Variants in LRP1 observed in about 807,000 individuals in gnomAD.
LRP1 encodes the protein LDL receptor related protein 1.
Under a neutral mutation model 541.5 loss-of-function variants are expected in LRP1, and 51 were observed. That is an observed-to-expected ratio of 0.09 (90% CI 0.08 to 0.12). LRP1 has a LOEUF of 0.12. LRP1 is among the 10% of genes least tolerant of loss of function. The pLI, the probability that LRP1 is intolerant of heterozygous loss-of-function variation, is 1.00. For missense variants in LRP1, 3,878 were observed against 6,376.2 expected (o/e 0.61, Z 13.34); for synonymous variants, 2,219 against 2,470.8 (o/e 0.90, Z 3.02).
chr12:57,179,588 A>G lies in LRP1; in HGVS notation c.4966+32A>G. On this transcript the variant is annotated intron_variant, in intron 29 of 88. Coordinates refer to ENST00000243077, the MANE Select transcript of LRP1 (RefSeq NM_002332.3). The surrounding 1 kb of genome is among the most constrained non-coding windows in gnomAD (Gnocchi z 6.8). Reference sequence around the variant, plus strand: ...CCTGGCCCTGGATGCCCACCAGTGGACATGGGCACCTCCACCCGCCCCTTG... The same window carrying G: ...CCTGGCCCTGGATGCCCACCAGTGGGCATGGGCACCTCCACCCGCCCCTTG... 9 of 1,577,424 alleles carry G rather than the reference A, an allele frequency of 5.7e-6. No individual in the cohort carries two copies. The highest frequency in any genetic ancestry group is 7.8e-6 in the Non-Finnish European group (9 of 1,148,302).
Position 57,162,116 on chromosome 12 carries a change from G to A in LRP1, c.2203-201G>A, listed in dbSNP as rs2136682667. ...AACCTCACCATCAGCATCCTTGCTGGATCACTCGATCACCCGCTGGCTTCA... is the reference window on the plus strand; with the variant it reads ...AACCTCACCATCAGCATCCTTGCTGAATCACTCGATCACCCGCTGGCTTCA... On this transcript the variant is annotated intron_variant, in intron 13 of 88. Coordinates refer to ENST00000243077, the MANE Select transcript of LRP1 (RefSeq NM_002332.3). This position sits in a 1 kb window ranked among gnomAD's most constrained non-coding sequence, Gnocchi z 5.2. 6.6e-6 allele frequency among the ~76,000 whole-genome samples: 1 copy of A among 152,158 alleles called. No homozygotes were observed. The highest frequency in any genetic ancestry group is 1.9e-4 in the East Asian group (1 of 5,174).
At chr12:57,170,957 T>C (rs2035933680) in intron 20 of LRP1, among the ~76,000 whole-genome samples, 1 of 152,126 alleles carries the variant, frequency 6.6e-6, no homozygotes, top group Non-Finnish European at 1.5e-5. Context: ...CTGGACAGCG[T>C]TGAGTGCCCA....
At chr12:57,145,168 G>A in intron 5 of LRP1, 59 bp from the exon 6 acceptor site, 2 of 1,613,220 alleles carry the variant, frequency 1.2e-6, no homozygotes, top group South Asian at 2.2e-5. Flanking sequence ...GGTGGGTGGT[G>A]GCCTGAGAGG....
intron 1 of LRP1, among the ~76,000 whole-genome samples, chr12:57,134,332 C>G (rs2035107191): frequency 6.6e-6 from 1 of 152,226 alleles, no homozygotes; most frequent in Admixed American, 6.5e-5. Flanking sequence ...TCTGTCTCCC[C>G]TATGCCCTTC....
chr12:57,171,258 A>G (rs1378388411), intron 20 of LRP1, among the ~76,000 whole-genome samples: 1 of 152,158 alleles, frequency 6.6e-6, no homozygotes, highest in Non-Finnish European at 1.5e-5. Context: ...GCAGGGTGTC[A>G]CTATTGGTAG....
Position 57,154,061 on chromosome 12 carries a change from A to T in LRP1, c.842-147A>T. The T allele has an allele frequency of 1.4e-6, 1 of 701,292 alleles. No individual in the cohort carries two copies. Among genetic ancestry groups the T allele is most frequent in the Non-Finnish European group, 2.5e-6 (1 of 406,252 alleles). The allele number at this position is 701,292 out of a possible 1,614,324, so 43.4% of individuals were successfully genotyped here. On this transcript the variant is annotated intron_variant, in intron 6 of 88. Coordinates refer to ENST00000243077, the MANE Select transcript of LRP1 (RefSeq NM_002332.3). This position sits in a 1 kb window ranked among gnomAD's most constrained non-coding sequence, Gnocchi z 4.6. ...AGCATTTACGCAAGCCCTCCTGTATATCCACTCTGAGCTAAGCATGGGGGT... is the reference window on the plus strand; with the variant it reads ...AGCATTTACGCAAGCCCTCCTGTATTTCCACTCTGAGCTAAGCATGGGGGT...
At position 57,201,918 on chromosome 12, in the gene LRP1, C is replaced by T. The variant is rs766616565; in HGVS notation, c.10594+13C>T. On this transcript the variant is annotated intron_variant, in intron 67 of 88. Coordinates refer to ENST00000243077, the MANE Select transcript of LRP1 (RefSeq NM_002332.3). The surrounding 1 kb of genome is among the most constrained non-coding windows in gnomAD (Gnocchi z 6.4). ...AAGGAAGAGTGTGGTGAGCCGAGACCCCACTCCAGGAGGAAGACAGTCTAC... is the reference window on the plus strand; with the variant it reads ...AAGGAAGAGTGTGGTGAGCCGAGACTCCACTCCAGGAGGAAGACAGTCTAC... The T allele has an allele frequency of 2.5e-6, 4 of 1,613,674 alleles. No individual in the cohort carries two copies. The highest frequency in any genetic ancestry group is 3.4e-6 in the Non-Finnish European group (4 of 1,179,884).
chr12:57,144,852 C>A, intron 4 of LRP1, 120 bp from the exon 5 acceptor site: 1 of 992,840 alleles, frequency 1.0e-6, no homozygotes, highest in South Asian at 1.4e-5. Flanking sequence ...GTAATAGATT[C>A]TGCCGAACTG....
Position 57,167,123 on chromosome 12 carries a change from G to T in LRP1, c.2914+77G>T, listed in dbSNP as rs935660998. ...TGAGAGCATGCCAGTTGGGGGTGCC[G>T]GAGACACCTGCAACCCAGCACTTGG... On this transcript the variant is annotated intron_variant, in intron 18 of 88. Transcript: ENST00000243077. 1.6e-5 allele frequency: 19 copies of T among 1,209,910 alleles called. No individual in the cohort carries two copies. In the Admixed American group the frequency reaches 1.6e-4, roughly 10 times the overall value. 74.9% of individuals were successfully genotyped at this position (1,209,910 alleles called of 1,614,324 possible). A position where few individuals can be genotyped will look rare whatever the true frequency, so the allele number is the denominator to read the frequency against.
chr12:57,209,992 C>A (rs1235379443), intron 80 of LRP1, 37 bp from the exon 81 acceptor site: 2 of 1,587,936 alleles, frequency 1.3e-6, no homozygotes, highest in Admixed American at 3.4e-5. Context: ...GAGAAGGGTC[C>A]TGCTCAGCAT....
chr12:57,202,521 C>T lies in LRP1; in HGVS notation c.10695C>T (p.Ser3565=), dbSNP rs999908047. 2.4e-5 allele frequency: 39 copies of T among 1,610,922 alleles called. No homozygotes were observed. Among genetic ancestry groups the T allele is most frequent in the Non-Finnish European group, 3.1e-5 (36 of 1,178,870 alleles). The change falls in exon 68 of 89, where the codon TCC becomes TCT. Residue 3565 remains serine, a synonymous_variant. Transcript: ENST00000243077. ...ACGACAACGATTGCGGTGACAACTC[C>T]GATGAAGAGAGCTGCAGTACGTCCC... ...CDYDNDCGDN[S]DEESCTPRPC... is the part of the protein sequence containing the mutation.
In LRP1 at chr12:57,156,952, T is replaced by C; in HGVS notation, c.1561+32T>C. 1 of 1,535,974 alleles carries C rather than the reference T, an allele frequency of 6.5e-7. No individual in the cohort carries two copies. Among genetic ancestry groups the C allele is most frequent in the Non-Finnish European group, 8.8e-7 (1 of 1,136,370 alleles). On this transcript the variant is annotated intron_variant, in intron 10 of 88. Transcript: ENST00000243077. The surrounding 1 kb of genome is among the most constrained non-coding windows in gnomAD (Gnocchi z 5.2). ...GACAGGGAAGGGGGTGTGTGCCCAT[T>C]GGGAGGCTGCGGGAGGGTTCCTCAG...
intron 42 of LRP1, 102 bp from the exon 43 acceptor site, chr12:57,190,703 C>T: frequency 9.1e-7 from 1 of 1,097,922 alleles, no homozygotes; most frequent in Non-Finnish European, 1.3e-6. Flanking sequence ...TGGCTTTGCC[C>T]TGGCAGGCTT....
intron 34 of LRP1, among the ~76,000 whole-genome samples, chr12:57,182,335 A>G (rs1488957927): frequency 6.6e-6 from 1 of 151,736 alleles, no homozygotes; most frequent in Non-Finnish European, 1.5e-5. Context: ...ACATGGCAAA[A>G]CTCCGTCTCT....
chr12:57,129,840 T>C (rs1000828874), intron 1 of LRP1, among the ~76,000 whole-genome samples: 8 of 152,162 alleles, frequency 5.3e-5, no homozygotes, highest in Non-Finnish European at 8.8e-5. Context: ...CTTCCTGACT[T>C]CTGGCTTCAT....
Position 57,212,408 on chromosome 12 carries a change from C to T in LRP1, c.13495-7C>T. 6.2e-7 allele frequency: 1 copy of T among 1,614,056 alleles called. No individual in the cohort carries two copies. Among genetic ancestry groups the T allele is most frequent in the Non-Finnish European group, 8.5e-7 (1 of 1,180,016 alleles). On this transcript the variant is annotated splice_polypyrimidine_tract_variant and splice_region_variant and intron_variant, in intron 88 of 88. Transcript: ENST00000243077. This position sits in a 1 kb window ranked among gnomAD's most constrained non-coding sequence, Gnocchi z 5.0. ...GAGCCCTACCTGAACCCTCTGTCAC[C>T]CTGCAGCCCACCAACTTCACCAACC...
At position 57,185,004 on chromosome 12, in the gene LRP1, TC is replaced by T. The variant is rs1394495466; in HGVS notation, c.6338+16del. 4 of 1,613,950 alleles carry T rather than the reference TC, an allele frequency of 2.5e-6. No individual in the cohort carries two copies. Among genetic ancestry groups the T allele is most frequent in the Admixed American group, 3.3e-5 (2 of 60,032 alleles). On this transcript the variant is annotated intron_variant, in intron 39 of 88. Coordinates refer to ENST00000243077, the MANE Select transcript of LRP1 (RefSeq NM_002332.3). The surrounding 1 kb of genome is among the most constrained non-coding windows in gnomAD (Gnocchi z 4.9). ...CTGGAGTGACAGGTGAGGGCTTCTG[TC>T]CTGGCCTCCTCAGCTGATCTCTTCC...
At position 57,185,089 on chromosome 12, in the gene LRP1, C is replaced by T. The variant is rs1275115902; in HGVS notation, c.6347C>T (p.Ala2116Val). Residue 2116 changes from alanine (A) to valine (V), a missense_variant, in exon 40 of 89, where the codon GCC (alanine) becomes GTC (valine). By Grantham distance (64) the Ala-to-Val change is moderately conservative. Transcript: ENST00000243077. The surrounding 1 kb of genome is among the most constrained non-coding windows in gnomAD (Gnocchi z 4.9). ...DFIYWSDRTH[A>V]NGSIKRGSKD... ...CCCTGTCCTTCCCTCAGGACTCATG[C>T]CAACGGCTCTATCAAGCGCGGGAGC... 6.2e-7 allele frequency: 1 copy of T among 1,614,160 alleles called. No individual in the cohort carries two copies. The highest frequency in any genetic ancestry group is 1.3e-5 in the African/African-American group (1 of 75,022).
At position 57,187,270 on chromosome 12, in the gene LRP1, T is replaced by C; in HGVS notation, c.6845T>C (p.Val2282Ala). The C allele has an allele frequency of 6.2e-7, 1 of 1,612,398 alleles. No homozygotes were observed. Among genetic ancestry groups the C allele is most frequent in the Non-Finnish European group, 8.5e-7 (1 of 1,178,998 alleles). Residue 2282 changes from valine to alanine, a missense_variant, in exon 42 of 89, where the codon GTG becomes GCG. By Grantham distance (64) the Val-to-Ala change is moderately conservative (BLOSUM62 0). Coordinates refer to ENST00000243077, the MANE Select transcript of LRP1 (RefSeq NM_002332.3). Reference sequence around the variant, plus strand: ...CGCTGCTCCTGTCTCTTCACAGACGTGGGCTCCGTGGAAGGCCTGGCCTAT... The same window carrying C: ...CGCTGCTCCTGTCTCTTCACAGACGCGGGCTCCGTGGAAGGCCTGGCCTAT... Reference protein sequence around the residue: ...GSRRITIVENVGSVEGLAYHR... With the variant: ...GSRRITIVENAGSVEGLAYHR...
Sources: allele counts gnomAD v4.1 joint callset (sites outside exome capture counted in the v4.1 genomes callset), GRCh38; gene constraint gnomAD v4.1.1; non-coding constraint Gnocchi (gnomAD v3.1); transcripts MANE v1.5; gene names NCBI Gene and HGNC (gene_info 2026-07-23, HGNC 2026-07-21).